DKK2: variants seen among roughly 807,000 people sequenced by gnomAD.
DKK2 encodes the protein dickkopf-related protein 2.
In DKK2, 11 loss-of-function variants were observed where a neutral mutation model predicts 28.1. That is an observed-to-expected ratio of 0.39 (90% confidence interval 0.25 to 0.65). DKK2 has a LOEUF of 0.65. Among genes scored for constraint, DKK2 ranks in the 30% least tolerant of loss-of-function variants. The pLI is 0.47. For synonymous variants in DKK2, 135 were observed against 126.5 expected (o/e 1.07, Z -0.45); for missense variants, 326 against 335.5 (o/e 0.97, Z 0.22).
At chr4:107,014,882 C>G (rs575344831) in intron 1 of DKK2, among the ~76,000 whole-genome samples, 38 of 151,454 alleles carry the variant, frequency 2.5e-4, no homozygotes, top group African/African-American at 8.9e-4. Flanking sequence ...TTCAAATCTT[C>G]ATTCATGTTT....
At chr4:107,031,944 T>G (rs1307725985) in intron 1 of DKK2, among the ~76,000 whole-genome samples, 1 of 151,978 alleles carries the variant, frequency 6.6e-6, no homozygotes, top group Non-Finnish European at 1.5e-5. Flanking sequence ...TTTATTCACA[T>G]GATATTGAAG....
intron 1 of DKK2, among the ~76,000 whole-genome samples, chr4:106,952,509 A>G (rs1001793827): frequency 2.6e-5 from 4 of 152,246 alleles, no homozygotes; most frequent in Admixed American, 6.5e-5. Flanking sequence ...GTGCCTTTCT[A>G]TTTACAACAT....
intron 1 of DKK2, among the ~76,000 whole-genome samples, chr4:106,938,292 C>T (rs1390054064): frequency 1.3e-5 from 2 of 151,998 alleles, no homozygotes; most frequent in Non-Finnish European, 2.9e-5. Context: ...GGGATATCAC[C>T]ACCGATCCAA....
At chr4:106,998,058 T>C (rs546815609) in intron 1 of DKK2, among the ~76,000 whole-genome samples, 2 of 152,200 alleles carry the variant, frequency 1.3e-5, no homozygotes, top group African/African-American at 4.8e-5. Context: ...CTGGAGCTCA[T>C]TGGGTATATG....
At chr4:106,983,591 C>CA (rs1026680917) in intron 1 of DKK2, among the ~76,000 whole-genome samples, 4 of 151,944 alleles carry the variant, frequency 2.6e-5, no homozygotes, top group African/African-American at 9.7e-5. Flanking sequence ...CCAACCCTGC[C>CA]AAAAAACATC....
At chr4:106,947,868 C>T (rs1210163151) in intron 1 of DKK2, among the ~76,000 whole-genome samples, 1 of 151,930 alleles carries the variant, frequency 6.6e-6, no homozygotes, top group East Asian at 1.9e-4. Context: ...CCAGGCTGGC[C>T]TCAAACTCCT....
intron 1 of DKK2, among the ~76,000 whole-genome samples, chr4:106,940,841 C>G (rs1453377730): frequency 6.6e-6 from 1 of 152,070 alleles, no homozygotes; most frequent in African/African-American, 2.4e-5. Flanking sequence ...TCATCATTGT[C>G]AGTAAACTAT....
chr4:106,976,230 G>C (rs1722942742), intron 1 of DKK2, among the ~76,000 whole-genome samples: 1 of 152,148 alleles, frequency 6.6e-6, no homozygotes, highest in South Asian at 2.1e-4. Flanking sequence ...ATTTGGGGTG[G>C]AGAGTTCTGT....
At chr4:106,940,117 A>G (rs1210450821) in intron 1 of DKK2, among the ~76,000 whole-genome samples, 2 of 152,236 alleles carry the variant, frequency 1.3e-5, no homozygotes, top group Admixed American at 6.5e-5. Flanking sequence ...ATGGGATCCA[A>G]TTAAACTCAA....
chr4:106,970,604 C>T (rs899493288), intron 1 of DKK2, among the ~76,000 whole-genome samples: 1 of 152,050 alleles, frequency 6.6e-6, no homozygotes, highest in Non-Finnish European at 1.5e-5. Context: ...AAATGATTGA[C>T]TCAATAGGTG....
chr4:106,980,396 C>T (rs1723010802), intron 1 of DKK2, among the ~76,000 whole-genome samples: 1 of 152,030 alleles, frequency 6.6e-6, no homozygotes, highest in Non-Finnish European at 1.5e-5. Context: ...ATCTTCTAAA[C>T]TTAATTATGC....
intron 1 of DKK2, among the ~76,000 whole-genome samples, chr4:106,945,984 C>T (rs866849290): frequency 6.6e-6 from 1 of 152,114 alleles, no homozygotes; most frequent in Non-Finnish European, 1.5e-5. Flanking sequence ...GCTAGAGCTT[C>T]TTTACAAACT....
intron 1 of DKK2, among the ~76,000 whole-genome samples, chr4:107,008,809 T>G (rs2110368069): frequency 6.6e-6 from 1 of 152,092 alleles, no homozygotes; most frequent in South Asian, 2.1e-4. Context: ...GTCTAAAAAT[T>G]TATAAGTCAA....
intron 1 of DKK2, among the ~76,000 whole-genome samples, chr4:106,932,086 AGGATCTGG>A: frequency 6.6e-6 from 1 of 152,286 alleles, no homozygotes; most frequent in Non-Finnish European, 1.5e-5. Flanking sequence ...TTGGAAGTTG[AGGATCTGG>A]ACATTGATTT....
At chr4:107,021,118 A>G (rs1723685631) in intron 1 of DKK2, among the ~76,000 whole-genome samples, 1 of 152,148 alleles carries the variant, frequency 6.6e-6, no homozygotes. Context: ...GGAAAGGTTT[A>G]CAATTATAAT....
chr4:106,925,687 C>T, intron 2 of DKK2, 112 bp downstream of exon 2: 1 of 1,398,646 alleles, frequency 7.1e-7, no homozygotes, highest in African/African-American at 1.4e-5. Context: ...CCAGTTCTAC[C>T]AGGCTTCTTA....
At chr4:106,928,342 A>G (rs978330708) in intron 1 of DKK2, among the ~76,000 whole-genome samples, 9 of 152,184 alleles carry the variant, frequency 5.9e-5, no homozygotes, top group Non-Finnish European at 4.4e-5. Flanking sequence ...AGTAAAAATG[A>G]CACAGGCAGA....
chr4:106,933,334 G>T, intron 1 of DKK2, among the ~76,000 whole-genome samples: 1 of 152,322 alleles, frequency 6.6e-6, no homozygotes, highest in South Asian at 2.1e-4. Context: ...TGAAAACAAC[G>T]TGAGTCTAAA....
chr4:106,958,911 T>C (rs1452000201), intron 1 of DKK2, among the ~76,000 whole-genome samples: 1 of 151,612 alleles, frequency 6.6e-6, no homozygotes. Context: ...GCACAGCTGC[T>C]TCTACTTTTT....
Sources: gnomAD v4.1 joint callset for allele counts (sites outside exome capture counted in the v4.1 genomes callset) on GRCh38, gnomAD v4.1.1 for gene constraint, MANE v1.5 for transcripts, NCBI Gene and HGNC (gene_info 2026-07-23, HGNC 2026-07-21) for gene names.